SLC38A3: variants seen among roughly 807,000 people sequenced by gnomAD.
SLC38A3 encodes the protein solute carrier family 38 member 3.
Under a neutral mutation model 59.5 loss-of-function variants are expected in SLC38A3, and 17 were observed. That is an observed-to-expected ratio of 0.29 (90% CI 0.20 to 0.43). SLC38A3 has a LOEUF of 0.43. SLC38A3 is among the 20% of genes least tolerant of loss of function. The probability of loss-of-function intolerance (pLI) is 1.00; values close to 1 mark genes in which losing one functional copy is unlikely to be tolerated. For missense variants in SLC38A3, 454 were observed against 653.9 expected (o/e 0.69, Z 3.33); for synonymous variants, 238 against 260.3 (o/e 0.91, Z 0.82).
chr3:50,208,354 C>A (rs1349053965), intron 1 of SLC38A3, among the ~76,000 whole-genome samples: 2 of 151,914 alleles, frequency 1.3e-5, no homozygotes, highest in African/African-American at 4.8e-5. Context: ...CCTCTGCCTC[C>A]CAGGTTCAAG....
chr3:50,214,470 CACACTTCACTGACGTGAGCAGGGCAGCA>C lies in SLC38A3; in HGVS notation c.173_183+17del. 6.4e-7 allele frequency: 1 copy of C among 1,568,446 alleles called. No individual in the cohort carries two copies. The highest frequency in any genetic ancestry group is 8.6e-7 in the Non-Finnish European group (1 of 1,156,824). ...CTACAGAAAAGTCCCAGCAAGGAGC[CACACTTCACTGACGTGAGCAGGGCAGCA>C]ACGGGTTTTAGGGGACACTGTGGGG... On this transcript the variant is annotated splice_donor_variant and splice_donor_5th_base_variant and coding_sequence_variant and intron_variant, in exon 3 of 16. Transcript: ENST00000614032. LOFTEE classifies it high-confidence loss of function. This position sits in a 1 kb window ranked among gnomAD's most constrained non-coding sequence, Gnocchi z 6.0.
chr3:50,209,556 G>A (rs1359790834), intron 1 of SLC38A3, among the ~76,000 whole-genome samples: 1 of 152,048 alleles, frequency 6.6e-6, no homozygotes, highest in Non-Finnish European at 1.5e-5. Context: ...AGCTGAGGCA[G>A]GAGAAAGGTG....
chr3:50,218,579 C>T lies in SLC38A3; in HGVS notation c.1037-14C>T. 1 of 1,610,438 alleles carries T rather than the reference C, an allele frequency of 6.2e-7. No individual in the cohort carries two copies. The highest frequency in any genetic ancestry group is 8.5e-7 in the Non-Finnish European group (1 of 1,178,320). On this transcript the variant is annotated splice_polypyrimidine_tract_variant and intron_variant, in intron 12 of 15. Transcript: ENST00000614032. The surrounding 1 kb of genome is among the most constrained non-coding windows in gnomAD (Gnocchi z 5.8). ...CTGGGGCCACCTACTGACCACCCTC[C>T]CTGCCTGCCACAGACGGGGTGGAGT...
At chr3:50,208,255 T>C (rs1023947137) in intron 1 of SLC38A3, among the ~76,000 whole-genome samples, 5 of 146,686 alleles carry the variant, frequency 3.4e-5, no homozygotes, top group Non-Finnish European at 7.4e-5. Context: ...TTCTTCAGCT[T>C]TCTCTCTTTT....
rs375618794 is a variant in SLC38A3 at position 50,214,700 on chromosome 3, T to C, written c.231T>C (p.Asn77=). ...GGATGTCAGTGTTCAACCTCAGCAA[T>C]GCCATCATGGGCAGCGGCATCCTGG... is the stretch of plus-strand genomic sequence containing the variant. ...SFGMSVFNLS[N]AIMGSGILGL... The change falls in exon 4 of 16, where the codon AAT becomes AAC. Residue 77 remains asparagine (N), a synonymous_variant. Transcript: ENST00000614032. The surrounding 1 kb of genome is among the most constrained non-coding windows in gnomAD (Gnocchi z 6.0). 4 of 1,600,334 alleles carry C rather than the reference T, an allele frequency of 2.5e-6. No individual in the cohort carries two copies. The African/African-American group carries it at 5.4e-5, about 22-fold the overall frequency.
At position 50,215,633 on chromosome 3, in the gene SLC38A3, G is replaced by A. The variant is rs759506172; in HGVS notation, c.463G>A (p.Gly155Arg). ...CCTGGCCATCACGCTCCAGAACATC[G>A]GAGGTAAGAGCAGTGGGCAGGGGCA... ...AALAITLQNI[G>R]AMSSYLYIIK... Residue 155 changes from glycine to arginine, a missense_variant, in exon 6 of 16, where the codon GGA becomes AGA. Gly to Arg is a moderately radical substitution (Grantham distance 125, BLOSUM62 -2). Around this residue, in one of 3 missense-constraint regions of SLC38A3, gnomAD observed 390 missense variants for 557.9 expected, o/e 0.70. Transcript: ENST00000614032. The surrounding 1 kb of genome is among the most constrained non-coding windows in gnomAD (Gnocchi z 7.1). 2 of 1,613,672 alleles carry A rather than the reference G, an allele frequency of 1.2e-6. No individual in the cohort carries two copies. Among genetic ancestry groups the A allele is most frequent in the East Asian group, 2.2e-5 (1 of 44,858 alleles).
chr3:50,214,209 C>T lies in SLC38A3; in HGVS notation c.10C>T (p.Pro4Ser). The T allele has an allele frequency of 6.2e-7, 1 of 1,613,628 alleles. No homozygotes were observed. Among genetic ancestry groups the T allele is most frequent in the Non-Finnish European group, 8.5e-7 (1 of 1,179,766 alleles). Reference sequence around the variant, plus strand: ...TGGTGTGCCCTGAGCCATGGAGGCGCCTTTGCAGACAGAGATGGTGGAGCT... The same window carrying T: ...TGGTGTGCCCTGAGCCATGGAGGCGTCTTTGCAGACAGAGATGGTGGAGCT... MEA[P>S]LQTEMVELVP... The change falls in exon 2 of 16, where the codon CCT (proline) becomes TCT (serine). Residue 4 changes from proline to serine, a missense_variant. This residue lies in a region of SLC38A3 where 390 missense variants were observed against 557.9 expected (regional missense o/e 0.70). Coordinates refer to ENST00000614032, the MANE Select transcript of SLC38A3 (RefSeq NM_006841.6). This position sits in a 1 kb window ranked among gnomAD's most constrained non-coding sequence, Gnocchi z 6.0.
rs770243056 is a variant in SLC38A3 at position 50,219,922 on chromosome 3, A to G, written c.1348A>G (p.Ile450Val). The G allele has an allele frequency of 6.2e-7, 1 of 1,613,510 alleles. No homozygotes were observed. Among genetic ancestry groups the G allele is most frequent in the Admixed American group, 1.7e-5 (1 of 59,948 alleles). ...APFLIFIFPAIFYFRIMPTEK... is the reference protein window; with the variant it reads ...APFLIFIFPAVFYFRIMPTEK... ...ATTCCTCATCTTCATCTTCCCTGCC[A>G]TCTTCTACTTCCGAATCATGCCCAC... The change falls in exon 15 of 16, where the codon ATC becomes GTC. Residue 450 changes from isoleucine (I) to valine (V), a missense_variant. Ile to Val is a conservative substitution (Grantham distance 29). Coordinates refer to ENST00000614032, the MANE Select transcript of SLC38A3 (RefSeq NM_006841.6).
chr3:50,218,421 CTGGTTG>C lies in SLC38A3; in HGVS notation c.1036+55_1036+60del. On this transcript the variant is annotated intron_variant, in intron 12 of 15. Transcript: ENST00000614032. This position sits in a 1 kb window ranked among gnomAD's most constrained non-coding sequence, Gnocchi z 5.8. Reference sequence around the variant, plus strand: ...CCTAGGCTAGGCTGGGGGGAAGGGGCTGGTTGTGGCCATGGTGCCCTCCATACCGAG... The same window carrying C: ...CCTAGGCTAGGCTGGGGGGAAGGGGCTGGCCATGGTGCCCTCCATACCGAG... 6.5e-7 allele frequency: 1 copy of C among 1,532,794 alleles called. No individual in the cohort carries two copies. Among genetic ancestry groups the C allele is most frequent in the Non-Finnish European group, 9.0e-7 (1 of 1,106,454 alleles). The allele number at this position is 1,532,794 out of a possible 1,614,324, so 94.9% of individuals were successfully genotyped here. A position where few individuals can be genotyped will look rare whatever the true frequency, so the allele number is the denominator to read the frequency against.
At position 50,214,384 on chromosome 3, in the gene SLC38A3, C is replaced by A. The variant is rs749153056; in HGVS notation, c.102-18C>A. 1.3e-6 allele frequency: 2 copies of A among 1,598,610 alleles called. No individual in the cohort carries two copies. The highest frequency in any genetic ancestry group is 2.3e-5 in the South Asian group (2 of 88,818). ...AAAGGGCTGGAGCTGAGCCACCCAC[C>A]CTGACCTGTGCCTACAGGGTCGAGG... On this transcript the variant is annotated intron_variant, in intron 2 of 15. Transcript: ENST00000614032. This position sits in a 1 kb window ranked among gnomAD's most constrained non-coding sequence, Gnocchi z 6.0.
chr3:50,217,453 A>G lies in SLC38A3; in HGVS notation c.670A>G (p.Met224Val). Reference sequence around the variant, plus strand: ...CTCCAGCGGCTTCTCTCTTAGCTGCATGGTGTTCTTCCTAATTGCAGTGAG... The same window carrying G: ...CTCCAGCGGCTTCTCTCTTAGCTGCGTGGTGTTCTTCCTAATTGCAGTGAG... ...GYSSGFSLSC[M>V]VFFLIAVIYK... The change falls in exon 9 of 16, where the codon ATG (methionine) becomes GTG (valine). Residue 224 changes from methionine (M) to valine (V), a missense_variant. Physicochemically the swap from Met to Val is conservative, Grantham distance 21 (BLOSUM62 1). This residue lies in a region of SLC38A3 where 390 missense variants were observed against 557.9 expected (regional missense o/e 0.70). Transcript: ENST00000614032. This position sits in a 1 kb window ranked among gnomAD's most constrained non-coding sequence, Gnocchi z 4.9. 1.2e-6 allele frequency: 2 copies of G among 1,613,494 alleles called. No individual in the cohort carries two copies. The highest frequency in any genetic ancestry group is 1.7e-6 in the Non-Finnish European group (2 of 1,179,686).
chr3:50,218,217 C>A lies in SLC38A3; in HGVS notation c.936-53C>A. On this transcript the variant is annotated intron_variant, in intron 11 of 15. Coordinates refer to ENST00000614032, the MANE Select transcript of SLC38A3 (RefSeq NM_006841.6). The surrounding 1 kb of genome is among the most constrained non-coding windows in gnomAD (Gnocchi z 5.8). Reference sequence around the variant, plus strand: ...GAGAGAGCTTGGGGCACATGGGGGTCTCCCAATGTTACCCAGCTTGTCACC... The same window carrying A: ...GAGAGAGCTTGGGGCACATGGGGGTATCCCAATGTTACCCAGCTTGTCACC... 2 of 1,300,526 alleles carry A rather than the reference C, an allele frequency of 1.5e-6. No individual in the cohort carries two copies. Among genetic ancestry groups the A allele is most frequent in the Non-Finnish European group, 2.2e-6 (2 of 894,786 alleles). The allele number at this position is 1,300,526 out of a possible 1,614,324, so 80.6% of individuals were successfully genotyped here.
At position 50,218,208 on chromosome 3, in the gene SLC38A3, C is replaced by A; in HGVS notation, c.936-62C>A. 2 of 1,255,908 alleles carry A rather than the reference C, an allele frequency of 1.6e-6. No individual in the cohort carries two copies. The highest frequency in any genetic ancestry group is 1.2e-5 in the South Asian group (1 of 82,882). 77.8% of individuals were successfully genotyped at this position (1,255,908 alleles called of 1,614,324 possible). ...ATGGTGCCAGAGAGAGCTTGGGGCA[C>A]ATGGGGGTCTCCCAATGTTACCCAG... On this transcript the variant is annotated intron_variant, in intron 11 of 15. Coordinates refer to ENST00000614032, the MANE Select transcript of SLC38A3 (RefSeq NM_006841.6). This position sits in a 1 kb window ranked among gnomAD's most constrained non-coding sequence, Gnocchi z 5.8.
intron 7 of SLC38A3, among the ~76,000 whole-genome samples, chr3:50,216,025 C>T (rs587606517): frequency 1.1e-4 from 16 of 152,272 alleles, no homozygotes; most frequent in South Asian, 4.1e-4. Context: ...ACCTTGGAGA[C>T]CCCCCTCCAG....
Position 50,217,579 on chromosome 3 carries a change from G to T in SLC38A3, c.691-97G>T, listed in dbSNP as rs1699835919. On this transcript the variant is annotated intron_variant, in intron 9 of 15. Coordinates refer to ENST00000614032, the MANE Select transcript of SLC38A3 (RefSeq NM_006841.6). The surrounding 1 kb of genome is among the most constrained non-coding windows in gnomAD (Gnocchi z 4.9). Reference sequence around the variant, plus strand: ...GTCTCTGGGAAGCCTGGGCCAGAAGGCAGCTCCACCAGTCCTGATCTAGAT... The same window carrying T: ...GTCTCTGGGAAGCCTGGGCCAGAAGTCAGCTCCACCAGTCCTGATCTAGAT... 6.3e-7 allele frequency: 1 copy of T among 1,582,182 alleles called. No individual in the cohort carries two copies. The highest frequency in any genetic ancestry group is 2.3e-5 in the East Asian group (1 of 44,288).
intron 1 of SLC38A3, among the ~76,000 whole-genome samples, chr3:50,211,695 T>C (rs1334374909): frequency 2.0e-5 from 3 of 149,828 alleles, no homozygotes; most frequent in Non-Finnish European, 4.4e-5. Flanking sequence ...TTCAAGCAAT[T>C]CTCCTGCCTC....
chr3:50,215,154 AG>A lies in SLC38A3; in HGVS notation c.300-229del. On this transcript the variant is annotated intron_variant, in intron 4 of 15. Coordinates refer to ENST00000614032, the MANE Select transcript of SLC38A3 (RefSeq NM_006841.6). The surrounding 1 kb of genome is among the most constrained non-coding windows in gnomAD (Gnocchi z 7.1). ...GAGGACGTGCTCAGAGGGCAGTCAC[AG>A]GGACACTCTTGACCCAGAGGGCCCC... is the stretch of plus-strand genomic sequence containing the variant. The A allele has an allele frequency of 1.7e-6, 1 of 584,658 alleles. No homozygotes were observed. Among genetic ancestry groups the A allele is most frequent in the Non-Finnish European group, 3.1e-6 (1 of 327,510 alleles). 36.2% of individuals were successfully genotyped at this position (584,658 alleles called of 1,614,324 possible). A position where few individuals can be genotyped will look rare whatever the true frequency, so the allele number is the denominator to read the frequency against.
chr3:50,218,757 G>C lies in SLC38A3; in HGVS notation c.1161+40G>C, dbSNP rs1421248673. 1.3e-5 allele frequency: 20 copies of C among 1,597,918 alleles called. No individual in the cohort carries two copies. The East Asian group carries it at 4.5e-4, about 36-fold the overall frequency. On this transcript the variant is annotated intron_variant, in intron 13 of 15. Transcript: ENST00000614032. The surrounding 1 kb of genome is among the most constrained non-coding windows in gnomAD (Gnocchi z 5.8). ...AGGTGGCTAGACTAGTGGCGGGAGG[G>C]GCTGATGGGGCCAACAGGCTGATGA... is the stretch of plus-strand genomic sequence containing the variant.
At chr3:50,219,830 TAGTC>T (rs1359861688) in intron 14 of SLC38A3, 47 bp from the exon 15 acceptor site, 3 of 1,475,244 alleles carry the variant, frequency 2.0e-6, no homozygotes, top group East Asian at 2.4e-5. Flanking sequence ...CCCCGAACCT[TAGTC>T]AGTAGGAGGA....
Sources: gnomAD v4.1 joint callset for allele counts (sites outside exome capture counted in the v4.1 genomes callset) on GRCh38, gnomAD v4.1.1 for gene constraint, gnomAD v4.1.1 regional missense constraint, Gnocchi (gnomAD v3.1) non-coding constraint, MANE v1.5 for transcripts, NCBI Gene and HGNC (gene_info 2026-07-23, HGNC 2026-07-21) for gene names.